The following PFKM variants were observed in gnomAD, a reference collection of about 807,000 sequenced individuals.
The protein encoded by PFKM is ATP-dependent 6-phosphofructokinase, muscle type.
In PFKM, 58 loss-of-function variants were observed where a neutral mutation model predicts 95.5. The observed-to-expected ratio is 0.61, with a 90% CI of 0.49 to 0.76. The LOEUF (loss-of-function observed/expected upper bound fraction) is 0.76, where lower values mean the gene tolerates loss of function less well. Among genes scored for constraint, PFKM ranks in the 30% least tolerant of loss-of-function variants. PFKM has a pLI of 0.00. For missense variants in PFKM, 678 were observed against 1,005.4 expected, an observed-to-expected ratio of 0.67 and a Z score of 4.40; for synonymous variants, 336 against 357.2, an observed-to-expected ratio of 0.94 and a Z score of 0.67.
rs932090403 is a variant in PFKM at position 48,108,288 on chromosome 12, A to G, written c.205+94A>G. The G allele has an allele frequency of 2.6e-6, 3 of 1,145,840 alleles. No homozygotes were observed. The African/African-American group carries it at 4.7e-5, about 18-fold the overall frequency. 71.0% of individuals were successfully genotyped at this position (1,145,840 alleles called of 1,614,324 possible). A position where few individuals can be genotyped will look rare whatever the true frequency, so the allele number is the denominator to read the frequency against. ...TATTATAAATCAGCGTAGACCTACT[A>G]AAGCTGAAATATAAGACCCAAGGGG... On this transcript the variant is annotated intron_variant, in intron 3 of 24. Transcript: ENST00000340802.
intron 3 of PFKM, among the ~76,000 whole-genome samples, chr12:48,111,424 A>G (rs1947175499): frequency 6.6e-6 from 1 of 152,242 alleles, no homozygotes; most frequent in Non-Finnish European, 1.5e-5. Flanking sequence ...CGTAGCGAGG[A>G]AACCTTTCTG....
rs774805531 is a variant in PFKM, at chr12:48,137,814, G to C, written c.1030G>C (p.Val344Leu). 6.2e-7 allele frequency: 1 copy of C among 1,614,014 alleles called. No individual in the cohort carries two copies. Among genetic ancestry groups the C allele is most frequent in the African/African-American group, 1.3e-5 (1 of 74,914 alleles). The change falls in exon 11 of 23, where the codon GTG (valine) becomes CTG (leucine). Residue 344 changes from valine to leucine, a missense_variant. By Grantham distance (32) the Val-to-Leu change is conservative. Coordinates refer to ENST00000359794, the MANE Select transcript of PFKM (RefSeq NM_000289.6). ...CVVSLSGNQA[V>L]RLPLMECVQV... ...AGTGAGCCTCTCTGGTAACCAGGCT[G>C]TGCGCCTGCCCCTCATGGAATGTGT...
Position 48,133,074 on chromosome 12 carries a change from A to T in PFKM, c.427+17A>T, listed in dbSNP as rs1311453381. ...AGAAAGCAGGTAAGAGAGTTTTCAC[A>T]TCAGTATTGCTTATTTGTGTCGGTA... On this transcript the variant is annotated intron_variant, in intron 5 of 22. Coordinates refer to ENST00000359794, the MANE Select transcript of PFKM (RefSeq NM_000289.6). 1 of 1,610,162 alleles carries T rather than the reference A, an allele frequency of 6.2e-7. No individual in the cohort carries two copies. The highest frequency in any genetic ancestry group is 1.1e-5 in the South Asian group (1 of 90,978).
chr12:48,126,330 G>A (rs1330711716), intron 2 of PFKM, among the ~76,000 whole-genome samples: 1 of 152,166 alleles, frequency 6.6e-6, no homozygotes, highest in Non-Finnish European at 1.5e-5. Flanking sequence ...CCCAAAGTTT[G>A]TGATTTTTAG....
intron 1 of PFKM, among the ~76,000 whole-genome samples, chr12:48,120,195 G>A (rs1948109126): frequency 6.6e-6 from 1 of 152,104 alleles, no homozygotes; most frequent in Non-Finnish European, 1.5e-5. Flanking sequence ...TTAAATAAGA[G>A]CGTCTCTAGT....
intron 1 of PFKM, among the ~76,000 whole-genome samples, chr12:48,120,196 C>T (rs11168416): frequency 0.29 from 44,726 of 151,998 alleles, 6,718 homozygotes; most frequent in Non-Finnish European, 0.31. Context: ...TAAATAAGAG[C>T]GTCTCTAGTC....
chr12:48,142,447 TG>T (rs752827107), intron 17 of PFKM: 1 of 434,824 alleles, frequency 2.3e-6, no homozygotes, highest in Non-Finnish European at 4.3e-6. Context: ...TACTCCAGCC[TG>T]GGTGACAAAG....
chr12:48,118,532 A>G, upstream of PFKM: 6 of 1,526,616 alleles, frequency 3.9e-6, no homozygotes, highest in Non-Finnish European at 5.3e-6. Context: ...GGCAGTGGTA[A>G]AAGCAAGAGG....
intron 3 of PFKM, among the ~76,000 whole-genome samples, chr12:48,114,240 A>G (rs1393002312): frequency 6.6e-6 from 1 of 152,226 alleles, no homozygotes; most frequent in Non-Finnish European, 1.5e-5. Flanking sequence ...ACTCCAGATT[A>G]AATTGTAGGA....
At chr12:48,130,956 C>G (rs1949413570) in intron 3 of PFKM, among the ~76,000 whole-genome samples, 1 of 152,168 alleles carries the variant, frequency 6.6e-6, no homozygotes, top group Non-Finnish European at 1.5e-5. Context: ...TTCCTTCCCT[C>G]CCACCAACTT....
upstream of PFKM, chr12:48,118,489 A>C (rs1947871038): frequency 6.8e-7 from 1 of 1,475,660 alleles, no homozygotes. Context: ...CAGAATGTGC[A>C]GAGGTAGAGA....
intron 4 of PFKM, chr12:48,131,954 G>T: frequency 2.2e-6 from 1 of 454,008 alleles, no homozygotes; most frequent in South Asian, 1.6e-5. Context: ...GTGAGTGAGA[G>T]AAATACAATC....
intron 11 of PFKM, 71 bp from the exon 12 acceptor site, chr12:48,139,214 T>C: frequency 1.7e-6 from 2 of 1,196,402 alleles, no homozygotes; most frequent in Non-Finnish European, 2.5e-6. Flanking sequence ...AGAGTTCGAC[T>C]GTGGGATGGA....
In PFKM at chr12:48,145,398, TTC is replaced by T; in HGVS notation, c.2198+85_2198+86del. 1 of 1,369,646 alleles carries T rather than the reference TTC, an allele frequency of 7.3e-7. No homozygotes were observed. Among genetic ancestry groups the T allele is most frequent in the Non-Finnish European group, 1.0e-6 (1 of 968,158 alleles). 84.8% of individuals were successfully genotyped at this position (1,369,646 alleles called of 1,614,324 possible). On this transcript the variant is annotated intron_variant, in intron 22 of 22. Coordinates refer to ENST00000359794, the MANE Select transcript of PFKM (RefSeq NM_000289.6). This position sits in a 1 kb window ranked among gnomAD's most constrained non-coding sequence, Gnocchi z 4.3. Reference sequence around the variant, plus strand: ...TCCTCAACCTGTTCACTGTCTTTAATTCTTTTTTTTTTTTAAGGAGTAACACC... The same window carrying T: ...TCCTCAACCTGTTCACTGTCTTTAATTTTTTTTTTTTTAAGGAGTAACACC...
intron 12 of PFKM, 119 bp downstream of exon 12, chr12:48,139,468 C>G (rs1950395876): frequency 1.2e-6 from 1 of 800,448 alleles, no homozygotes; most frequent in Non-Finnish European, 2.1e-6. Context: ...CTGATTCTCT[C>G]TGCAGCAAGT....
At position 48,145,466 on chromosome 12, in the gene PFKM, A is replaced by G; in HGVS notation, c.2199-98A>G. 2 of 1,464,546 alleles carry G rather than the reference A, an allele frequency of 1.4e-6. No homozygotes were observed. Among genetic ancestry groups the G allele is most frequent in the South Asian group, 2.3e-5 (2 of 86,304 alleles). The allele number at this position is 1,464,546 out of a possible 1,614,324, so 90.7% of individuals were successfully genotyped here. A position where few individuals can be genotyped will look rare whatever the true frequency, so the allele number is the denominator to read the frequency against. On this transcript the variant is annotated intron_variant, in intron 22 of 22. Coordinates refer to ENST00000359794, the MANE Select transcript of PFKM (RefSeq NM_000289.6). This position sits in a 1 kb window ranked among gnomAD's most constrained non-coding sequence, Gnocchi z 4.3. The stretch of plus-strand genomic sequence containing the variant: ...TTCAGATGTGATGCACATGTCCTAA[A>G]TCTAACCTCTTCTGTCTAACTTCTT...
At chr12:48,124,111 A>G (rs899809130) in intron 2 of PFKM, among the ~76,000 whole-genome samples, 1 of 152,344 alleles carries the variant, frequency 6.6e-6, no homozygotes, top group East Asian at 1.9e-4. Context: ...TGTTCTTATG[A>G]TACTTATTAG....
At chr12:48,132,223 T>C (rs1949574773) in intron 4 of PFKM, 2 of 365,592 alleles carry the variant, frequency 5.5e-6, no homozygotes, top group Non-Finnish European at 1.1e-5. Flanking sequence ...TAAGTATACT[T>C]TCTCTCAGGG....
At chr12:48,134,211 T>C (rs778139036) in intron 6 of PFKM, 21 bp from the exon 7 acceptor site, 1 of 1,611,304 alleles carries the variant, frequency 6.2e-7, no homozygotes, top group East Asian at 2.2e-5. Flanking sequence ...TTGGACTGTG[T>C]CATATGTCTA....
Sources: gnomAD v4.1 joint callset for allele counts (sites outside exome capture counted in the v4.1 genomes callset) on GRCh38, gnomAD v4.1.1 for gene constraint, Gnocchi (gnomAD v3.1) non-coding constraint, MANE v1.5 for transcripts, NCBI Gene and HGNC (gene_info 2026-07-23, HGNC 2026-07-21) for gene names.